The following MARCHF1 variants were observed in gnomAD, a reference collection of about 807,000 sequenced individuals.
The protein encoded by MARCHF1 is E3 ubiquitin-protein ligase MARCHF1.
MARCHF1 carries 40 observed loss-of-function variants against 54.2 expected under a neutral mutation model. The observed-to-expected ratio is 0.74, with a 90% CI of 0.57 to 0.96. MARCHF1 has a LOEUF of 0.96. Ranked by LOEUF, MARCHF1 falls within the 40% of genes least tolerant of loss-of-function variation. The pLI, the probability that MARCHF1 is intolerant of heterozygous loss-of-function variation, is 0.00. For missense variants in MARCHF1, 586 were observed against 656.5 expected, an observed-to-expected ratio of 0.89 and a Z score of 1.17; for synonymous variants, 236 against 236.3, an observed-to-expected ratio of 1.00 and a Z score of 0.01.
chr4:163,712,147 A>G lies in MARCHF1; in HGVS notation c.112-11284T>C, dbSNP rs537283741. Among the ~76,000 whole-genome samples the G allele has an allele frequency of 3.9e-5, 6 of 152,320 alleles. No homozygotes were observed. The East Asian group carries it at 1.2e-3, about 29-fold the overall frequency. ...AGACCGACCATGTAAAATCTGCTGCATGGTGGAATGTTTTCATTAGTGTTT... is the reference window on the plus strand; with the variant it reads ...AGACCGACCATGTAAAATCTGCTGCGTGGTGGAATGTTTTCATTAGTGTTT... On this transcript the variant is annotated intron_variant, in intron 4 of 9. Transcript: ENST00000514618.
chr4:164,198,704 C>T (rs1579616595), intron 1 of MARCHF1, among the ~76,000 whole-genome samples: 4 of 152,330 alleles, frequency 2.6e-5, no homozygotes, highest in African/African-American at 2.4e-5. Context: ...CACCAGGAAA[C>T]ATGGCAGAAG....
chr4:164,299,990 A>G (rs1257650470), intron 1 of MARCHF1, among the ~76,000 whole-genome samples: 1 of 152,178 alleles, frequency 6.6e-6, no homozygotes, highest in Non-Finnish European at 1.5e-5. Flanking sequence ...GTGTTCAGTT[A>G]GAAGAAAATT....
intron 4 of MARCHF1, among the ~76,000 whole-genome samples, chr4:163,732,138 G>T (rs916056467): frequency 1.3e-5 from 2 of 151,358 alleles, no homozygotes; most frequent in Non-Finnish European, 2.9e-5. Context: ...ACAGATAATA[G>T]AATTAATATA....
intron 5 of MARCHF1, among the ~76,000 whole-genome samples, chr4:163,681,448 T>C (rs1744100118): frequency 6.6e-6 from 1 of 152,152 alleles, no homozygotes; most frequent in African/African-American, 2.4e-5. Context: ...AGTTTGGTTA[T>C]GTTCCCCTCA....
chr4:163,586,025 C>T (rs535075837), intron 7 of MARCHF1, 96 bp from the exon 8 acceptor site: 32 of 1,064,554 alleles, frequency 3.0e-5, no homozygotes, highest in Non-Finnish European at 3.8e-5. Flanking sequence ...TATTATAAAC[C>T]GCAACCTAAG....
intron 3 of MARCHF1, among the ~76,000 whole-genome samples, chr4:163,893,840 C>T (rs756176800): frequency 2.0e-4 from 31 of 152,148 alleles, no homozygotes; most frequent in Admixed American, 1.2e-3. Flanking sequence ...CAAGAGTAAG[C>T]CACAGAGCCA....
At chr4:164,279,067 A>C (rs1733958418) in intron 1 of MARCHF1, among the ~76,000 whole-genome samples, 1 of 151,884 alleles carries the variant, frequency 6.6e-6, no homozygotes, top group African/African-American at 2.4e-5. Flanking sequence ...ATGATTAGTC[A>C]AAATAAAAAA....
chr4:163,877,199 G>T (rs1750308364), intron 3 of MARCHF1, among the ~76,000 whole-genome samples: 1 of 152,128 alleles, frequency 6.6e-6, no homozygotes, highest in Non-Finnish European at 1.5e-5. Flanking sequence ...GTGATATCAA[G>T]ATCATTATTT....
intron 3 of MARCHF1, among the ~76,000 whole-genome samples, chr4:163,967,218 A>C (rs79230361): frequency 0.021 from 3,255 of 152,224 alleles, 55 homozygotes; most frequent in African/African-American, 0.046. Context: ...AAAGTCACTT[A>C]AGCAGAGGAG....
At chr4:163,829,602 A>G (rs1233460044) in intron 4 of MARCHF1, among the ~76,000 whole-genome samples, 1 of 152,214 alleles carries the variant, frequency 6.6e-6, no homozygotes, top group Non-Finnish European at 1.5e-5. Context: ...AAGTGCACGC[A>G]GGCTCAGGGT....
intron 4 of MARCHF1, among the ~76,000 whole-genome samples, chr4:163,784,917 G>A (rs912884431): frequency 6.6e-6 from 1 of 152,040 alleles, no homozygotes; most frequent in African/African-American, 2.4e-5. Context: ...AACACTGTCT[G>A]AGAAATTCAA....
At chr4:164,213,426 G>A (rs1173065130) in intron 1 of MARCHF1, among the ~76,000 whole-genome samples, 9 of 151,472 alleles carry the variant, frequency 5.9e-5, no homozygotes, top group East Asian at 1.9e-4. Flanking sequence ...TAGTAGAGAC[G>A]GGGTTTCACC....
At chr4:164,330,665 G>T (rs1735412240) in intron 1 of MARCHF1, among the ~76,000 whole-genome samples, 1 of 152,176 alleles carries the variant, frequency 6.6e-6, no homozygotes, top group East Asian at 1.9e-4. Context: ...GCACATAGCT[G>T]GTCCTCTGCA....
intron 4 of MARCHF1, among the ~76,000 whole-genome samples, chr4:163,773,533 A>G (rs1671022216): frequency 1.3e-5 from 2 of 152,158 alleles, no homozygotes; most frequent in Admixed American, 1.3e-4. Flanking sequence ...CCTTGCTAAT[A>G]GTGAAGACTC....
intron 2 of MARCHF1, among the ~76,000 whole-genome samples, chr4:164,098,690 C>T (rs1025368904): frequency 7.9e-5 from 12 of 152,168 alleles, no homozygotes; most frequent in African/African-American, 2.7e-4. Context: ...ATGATCTGTT[C>T]AGTCACAGAA....
At chr4:164,122,617 C>A (rs1330152463) in intron 1 of MARCHF1, among the ~76,000 whole-genome samples, 1 of 152,002 alleles carries the variant, frequency 6.6e-6, no homozygotes, top group Non-Finnish European at 1.5e-5. Context: ...CCTGTCGCAT[C>A]CACTGCCCAC....
At chr4:164,189,035 T>A (rs1731053481) in intron 1 of MARCHF1, 1 of 689,442 alleles carries the variant, frequency 1.5e-6, no homozygotes, top group African/African-American at 1.8e-5. Flanking sequence ...GGAGAAGACA[T>A]CCTGTTGTTC....
intron 3 of MARCHF1, among the ~76,000 whole-genome samples, chr4:163,967,014 C>T (rs572511362): frequency 4.6e-5 from 7 of 152,042 alleles, no homozygotes; most frequent in East Asian, 3.9e-4. Context: ...AATCACATTC[C>T]GGGGGAGGGA....
intron 3 of MARCHF1, among the ~76,000 whole-genome samples, chr4:163,888,680 T>C (rs1166792555): frequency 6.6e-6 from 1 of 152,184 alleles, no homozygotes; most frequent in Admixed American, 6.5e-5. Context: ...AGAAATCAAC[T>C]ATTGATGTGC....
Sources: gnomAD v4.1 joint callset for allele counts (sites outside exome capture counted in the v4.1 genomes callset) on GRCh38, gnomAD v4.1.1 for gene constraint, MANE v1.5 for transcripts, NCBI Gene and HGNC (gene_info 2026-07-23, HGNC 2026-07-21) for gene names.